FRAS1: variants seen among roughly 807,000 people sequenced by gnomAD.
FRAS1 encodes the protein extracellular matrix organizing protein FRAS1.
Under a neutral mutation model 435.2 loss-of-function variants are expected in FRAS1, and 290 were observed. The ratio of observed to expected loss-of-function variants is 0.67; its 90% CI spans 0.61 to 0.73. FRAS1 has a LOEUF of 0.73. FRAS1 is among the 30% of genes least tolerant of loss of function. The probability of loss-of-function intolerance (pLI) is 0.00; values close to 1 mark genes in which losing one functional copy is unlikely to be tolerated. For synonymous variants in FRAS1, 1,800 were observed against 1,851.0 expected, an observed-to-expected ratio of 0.97 and a Z score of 0.71; for missense variants, 4,860 against 5,001.5, an observed-to-expected ratio of 0.97 and a Z score of 0.85.
At chr4:78,119,748 G>A (rs560667402) in intron 2 of FRAS1, among the ~76,000 whole-genome samples, 3 of 152,186 alleles carry the variant, frequency 2.0e-5, no homozygotes, top group African/African-American at 7.2e-5. Context: ...CTAATTCAGC[G>A]AGATGAGGGA....
intron 14 of FRAS1, among the ~76,000 whole-genome samples, chr4:78,291,382 A>T (rs1727890527): frequency 6.6e-6 from 1 of 152,132 alleles, no homozygotes; most frequent in Non-Finnish European, 1.5e-5. Context: ...TCACATAGGC[A>T]GTTCACAATA....
chr4:78,126,135 A>T (rs554286274), intron 2 of FRAS1, among the ~76,000 whole-genome samples: 4 of 152,308 alleles, frequency 2.6e-5, no homozygotes, highest in African/African-American at 9.6e-5. Flanking sequence ...GCCAAGCTCC[A>T]GCATCCCAGG....
chr4:78,305,285 T>C (rs985672150), intron 14 of FRAS1, among the ~76,000 whole-genome samples: 42 of 152,134 alleles, frequency 2.8e-4, no homozygotes, highest in African/African-American at 9.9e-4. Flanking sequence ...CTTCCAAGTA[T>C]GTGGTCAGTT....
intron 2 of FRAS1, among the ~76,000 whole-genome samples, chr4:78,147,835 G>A (rs982836775): frequency 6.6e-6 from 1 of 152,188 alleles, no homozygotes; most frequent in Non-Finnish European, 1.5e-5. Flanking sequence ...GGGTGAGAGT[G>A]TGTCCAAGAA....
intron 19 of FRAS1, among the ~76,000 whole-genome samples, chr4:78,335,251 T>C (rs575619076): frequency 1.2e-4 from 18 of 152,328 alleles, no homozygotes; most frequent in South Asian, 2.1e-4. Context: ...TGGGCAGCTC[T>C]TTCTTCAGAT....
At chr4:78,326,013 G>A (rs989943309) in intron 18 of FRAS1, among the ~76,000 whole-genome samples, 18 of 152,212 alleles carry the variant, frequency 1.2e-4, no homozygotes, top group African/African-American at 3.9e-4. Flanking sequence ...TGACGCTGGA[G>A]ATGCAGGGTG....
At chr4:78,342,618 A>G (rs952998537) in intron 20 of FRAS1, among the ~76,000 whole-genome samples, 1 of 152,192 alleles carries the variant, frequency 6.6e-6, no homozygotes, top group African/African-American at 2.4e-5. Context: ...TGCTTTCTGC[A>G]TTTCTCTTTC....
chr4:78,128,164 T>C (rs1419955384), intron 2 of FRAS1, among the ~76,000 whole-genome samples: 1 of 152,134 alleles, frequency 6.6e-6, no homozygotes, highest in Non-Finnish European at 1.5e-5. Flanking sequence ...GTTGGACATT[T>C]GGGTTGGTTC....
At chr4:78,170,716 T>C (rs928573962) in intron 2 of FRAS1, among the ~76,000 whole-genome samples, 3 of 152,232 alleles carry the variant, frequency 2.0e-5, no homozygotes, top group Middle Eastern at 3.4e-3. Flanking sequence ...TATGTTGTAA[T>C]AGTGATAACT....
intron 2 of FRAS1, among the ~76,000 whole-genome samples, chr4:78,221,692 G>A (rs1178729734): frequency 6.6e-6 from 1 of 152,178 alleles, no homozygotes; most frequent in Non-Finnish European, 1.5e-5. Flanking sequence ...CCTTGTGTGT[G>A]TTGAACAGTG....
chr4:78,172,113 C>A (rs141220655), intron 2 of FRAS1, among the ~76,000 whole-genome samples: 9 of 152,238 alleles, frequency 5.9e-5, no homozygotes, highest in African/African-American at 2.2e-4. Flanking sequence ...TCCACAGCAT[C>A]CCCCTGTGTG....
At chr4:78,069,615 T>C (rs1251770479) in intron 2 of FRAS1, among the ~76,000 whole-genome samples, 8 of 152,070 alleles carry the variant, frequency 5.3e-5, no homozygotes. Context: ...AGAAAGCCTC[T>C]CCTGAGGGTT....
intron 2 of FRAS1, among the ~76,000 whole-genome samples, chr4:78,214,588 G>A (rs1449585371): frequency 6.6e-6 from 1 of 152,210 alleles, no homozygotes; most frequent in African/African-American, 2.4e-5. Context: ...AGCACAGTTT[G>A]TGGGTACCTC....
intron 6 of FRAS1, among the ~76,000 whole-genome samples, chr4:78,264,393 A>G (rs1726253299): frequency 6.6e-6 from 1 of 152,178 alleles, no homozygotes; most frequent in African/African-American, 2.4e-5. Flanking sequence ...ATACCTAGAG[A>G]TATGAGTGAT....
chr4:78,250,197 G>T (rs1725469921), intron 4 of FRAS1, among the ~76,000 whole-genome samples: 2 of 152,028 alleles, frequency 1.3e-5, no homozygotes, highest in South Asian at 4.1e-4. Context: ...TATACAAGCA[G>T]AAAAAATATC....
chr4:78,074,905 G>T (rs1400608969), intron 2 of FRAS1, among the ~76,000 whole-genome samples: 2 of 152,174 alleles, frequency 1.3e-5, no homozygotes, highest in Admixed American at 1.3e-4. Flanking sequence ...CAATGGGGTT[G>T]CTGGTTCTGA....
At chr4:78,253,166 G>C (rs949092808) in intron 5 of FRAS1, among the ~76,000 whole-genome samples, 2 of 152,054 alleles carry the variant, frequency 1.3e-5, no homozygotes, top group African/African-American at 4.8e-5. Context: ...ATAATTCAGC[G>C]ATATCTCTCT....
intron 2 of FRAS1, among the ~76,000 whole-genome samples, chr4:78,168,987 A>C (rs1222999982): frequency 6.6e-6 from 1 of 152,112 alleles, no homozygotes; most frequent in South Asian, 2.1e-4. Context: ...GAAGTTGGGA[A>C]GTCTTCACTG....
chr4:78,481,806 A>G lies in FRAS1; in HGVS notation c.8446A>G (p.Thr2816Ala). ...AATCTCTATGAATCTTAATTCAGGC[A>G]CAGTAAAGATTCCAGTTATCCGCCA... ...TAFTVSEDAG[T>A]VKIPVIRHGT... Residue 2816 changes from threonine to alanine, a missense_variant and splice_region_variant, in exon 57 of 74, where the codon ACA (threonine) becomes GCA (alanine). Transcript: ENST00000512123. 1 of 1,613,898 alleles carries G rather than the reference A, an allele frequency of 6.2e-7. No homozygotes were observed. Among genetic ancestry groups the G allele is most frequent in the Non-Finnish European group, 8.5e-7 (1 of 1,179,782 alleles).
Sources: allele counts gnomAD v4.1 joint callset (sites outside exome capture counted in the v4.1 genomes callset), GRCh38; gene constraint gnomAD v4.1.1; transcripts MANE v1.5; gene names NCBI Gene and HGNC (gene_info 2026-07-23, HGNC 2026-07-21).